CYYR1: variants seen among roughly 807,000 people sequenced by gnomAD.
CYYR1 encodes cysteine and tyrosine-rich protein 1.
In CYYR1, 14 loss-of-function variants were observed where a neutral mutation model predicts 15.2. That is an observed-to-expected ratio of 0.92 (90% confidence interval 0.61 to 1.44). CYYR1 has a LOEUF of 1.44. CYYR1 is among the 40% of genes most tolerant of loss of function. The pLI, the probability that CYYR1 is intolerant of heterozygous loss-of-function variation, is 0.00. For missense variants in CYYR1, 228 were observed against 209.5 expected (o/e 1.09, Z -0.54); for synonymous variants, 80 against 77.4 (o/e 1.03, Z -0.18).
intron 2 of CYYR1, among the ~76,000 whole-genome samples, chr21:26,488,986 C>A (rs1264660846): frequency 6.6e-6 from 1 of 152,118 alleles, no homozygotes; most frequent in Non-Finnish European, 1.5e-5. Flanking sequence ...CCTAATCTTA[C>A]CTAATACAAT....
At chr21:26,495,725 A>G (rs2065391597) in intron 2 of CYYR1, among the ~76,000 whole-genome samples, 1 of 152,222 alleles carries the variant, frequency 6.6e-6, no homozygotes, top group South Asian at 2.1e-4. Flanking sequence ...ATGAAAGTGT[A>G]TTTGGCTAAG....
intron 3 of CYYR1, chr21:26,478,106 C>G: frequency 6.5e-7 from 1 of 1,549,372 alleles, no homozygotes; most frequent in South Asian, 1.2e-5. Context: ...ACAAAATAGA[C>G]CAAGATCTCT....
At chr21:26,495,387 CG>C (rs1013518494) in intron 2 of CYYR1, among the ~76,000 whole-genome samples, 4 of 152,168 alleles carry the variant, frequency 2.6e-5, no homozygotes, top group Non-Finnish European at 5.9e-5. Flanking sequence ...CAGCTTCCCA[CG>C]CGTCTCAGAA....
chr21:26,511,571 C>G (rs997283768), intron 2 of CYYR1, among the ~76,000 whole-genome samples: 2 of 152,252 alleles, frequency 1.3e-5, no homozygotes, highest in Non-Finnish European at 2.9e-5. Flanking sequence ...GAAACATTCC[C>G]AAGTGCTGGC....
At chr21:26,537,538 G>A (rs1231340344) in intron 2 of CYYR1, among the ~76,000 whole-genome samples, 1 of 152,128 alleles carries the variant, frequency 6.6e-6, no homozygotes, top group East Asian at 1.9e-4. Context: ...GCTGGCAGAG[G>A]CTTTACTGTT....
chr21:26,519,283 T>G (rs976798181), intron 2 of CYYR1, among the ~76,000 whole-genome samples: 1 of 152,044 alleles, frequency 6.6e-6, no homozygotes, highest in African/African-American at 2.4e-5. Flanking sequence ...TCAGAAGCTA[T>G]AAAATTGTAC....
At chr21:26,519,033 A>G (rs2065769969) in intron 2 of CYYR1, among the ~76,000 whole-genome samples, 1 of 152,226 alleles carries the variant, frequency 6.6e-6, no homozygotes, top group Non-Finnish European at 1.5e-5. Context: ...TTTGGAAGAT[A>G]GTTCCAAGTC....
At chr21:26,515,320 C>G (rs1209219958) in intron 2 of CYYR1, among the ~76,000 whole-genome samples, 1 of 152,154 alleles carries the variant, frequency 6.6e-6, no homozygotes. Context: ...ACATGTTACT[C>G]TTTCAGTAAA....
At chr21:26,507,467 T>C (rs1320366566) in intron 2 of CYYR1, among the ~76,000 whole-genome samples, 1 of 152,228 alleles carries the variant, frequency 6.6e-6, no homozygotes, top group East Asian at 1.9e-4. Context: ...AATCTATCTT[T>C]ACACAAATTT....
At chr21:26,476,758 C>G (rs1202294640) in intron 3 of CYYR1, among the ~76,000 whole-genome samples, 1 of 151,882 alleles carries the variant, frequency 6.6e-6, no homozygotes. Context: ...ACTTTTATAT[C>G]TTTGGCAAGC....
intron 2 of CYYR1, among the ~76,000 whole-genome samples, chr21:26,510,385 G>T (rs892778484): frequency 6.6e-6 from 1 of 152,214 alleles, no homozygotes. Flanking sequence ...GAGGTAGGGA[G>T]CTGTTTATGT....
intron 2 of CYYR1, among the ~76,000 whole-genome samples, chr21:26,515,352 TTTTTC>T (rs966644721): frequency 6.6e-6 from 1 of 152,286 alleles, no homozygotes; most frequent in African/African-American, 2.4e-5. Context: ...TCTCTTTTTC[TTTTTC>T]TTTTCTTTTC....
intron 2 of CYYR1, among the ~76,000 whole-genome samples, chr21:26,488,612 T>C (rs2065285339): frequency 6.6e-6 from 1 of 152,146 alleles, no homozygotes; most frequent in East Asian, 1.9e-4. Context: ...GTTTTTTACA[T>C]GTTGAGTTTT....
intron 2 of CYYR1, among the ~76,000 whole-genome samples, chr21:26,514,706 T>C (rs995156750): frequency 1.3e-5 from 2 of 152,156 alleles, no homozygotes; most frequent in African/African-American, 4.8e-5. Flanking sequence ...AACTAACTTA[T>C]TTTGAGCACT....
At chr21:26,497,442 T>C (rs2065422005) in intron 2 of CYYR1, among the ~76,000 whole-genome samples, 1 of 152,156 alleles carries the variant, frequency 6.6e-6, no homozygotes, top group Non-Finnish European at 1.5e-5. Context: ...GCAAATCAGC[T>C]AGCAAGAGTG....
intron 2 of CYYR1, 136 bp from the exon 3 acceptor site, chr21:26,480,565 C>CTT (rs140733070): frequency 0.039 from 22,816 of 581,438 alleles, 436 homozygotes; most frequent in African/African-American, 0.14. Context: ...TTTTTCTTTT[C>CTT]TTTTTTTTTT....
intron 2 of CYYR1, among the ~76,000 whole-genome samples, chr21:26,531,056 A>C (rs1274788659): frequency 6.6e-6 from 1 of 152,196 alleles, no homozygotes; most frequent in Non-Finnish European, 1.5e-5. Flanking sequence ...GTGCTAATGC[A>C]GCAGGCACGC....
At chr21:26,567,782 A>G (rs1473780974) in intron 1 of CYYR1, among the ~76,000 whole-genome samples, 1 of 152,238 alleles carries the variant, frequency 6.6e-6, no homozygotes, top group Non-Finnish European at 1.5e-5. Context: ...TGATTTATCC[A>G]GAAAGGAAAT....
intron 3 of CYYR1, among the ~76,000 whole-genome samples, chr21:26,469,256 A>G (rs888864592): frequency 4.6e-5 from 7 of 152,262 alleles, no homozygotes; most frequent in South Asian, 2.1e-4. Context: ...GTGGAGAAAG[A>G]GAGGAGAAAG....
Sources: gnomAD v4.1 joint callset for allele counts (sites outside exome capture counted in the v4.1 genomes callset) on GRCh38, gnomAD v4.1.1 for gene constraint, MANE v1.5 for transcripts, NCBI Gene and HGNC (gene_info 2026-07-23, HGNC 2026-07-21) for gene names.